The following DACH2 variants were observed in gnomAD, a reference collection of about 807,000 sequenced individuals.
The protein encoded by DACH2 is dachshund family transcription factor 2, also known as dachshund homolog 2.
Under a neutral mutation model 35.8 loss-of-function variants are expected in DACH2, and 17 were observed. The ratio of observed to expected loss-of-function variants is 0.48; its 90% CI spans 0.33 to 0.71. DACH2 has a LOEUF of 0.71. DACH2 is among the 30% of genes least tolerant of loss of function. The pLI, the probability that DACH2 is intolerant of heterozygous loss-of-function variation, is 0.02. For missense variants in DACH2, 469 were observed against 472.7 expected (o/e 0.99, Z 0.07); for synonymous variants, 195 against 177.3 (o/e 1.10, Z -0.79).
At chrX:86,612,295 G>A (rs1489609821) in intron 3 of DACH2, among the ~76,000 whole-genome samples, 1 of 107,342 alleles carries the variant, frequency 9.3e-6, no homozygotes, top group African/African-American at 3.4e-5. Flanking sequence ...GGTACTCTTG[G>A]AGCTGAAGCT....
At chrX:86,465,843 GA>G (rs1414675466) in intron 2 of DACH2, among the ~76,000 whole-genome samples, 1 of 111,827 alleles carries the variant, frequency 8.9e-6, no homozygotes, top group Non-Finnish European at 1.9e-5. Flanking sequence ...TGAAAACTTT[GA>G]AAGACTCACT....
At chrX:86,434,158 GAC>G (rs1187312491) in intron 2 of DACH2, among the ~76,000 whole-genome samples, 9 of 111,839 alleles carry the variant, frequency 8.0e-5, no homozygotes, top group Non-Finnish European at 1.1e-4. Flanking sequence ...ATATATGAAA[GAC>G]ACAGCGATTT....
At chrX:86,399,945 A>G (rs1039507678) in intron 2 of DACH2, among the ~76,000 whole-genome samples, 1 of 111,416 alleles carries the variant, frequency 9.0e-6, no homozygotes, top group Non-Finnish European at 1.9e-5. Flanking sequence ...TAGATTGGGG[A>G]AGTTCTCCTG....
intron 2 of DACH2, among the ~76,000 whole-genome samples, chrX:86,454,846 G>A (rs1330161584): frequency 1.8e-5 from 2 of 112,068 alleles, no homozygotes; most frequent in Non-Finnish European, 3.8e-5. Flanking sequence ...TGAAGGAGAA[G>A]AGGCACTCTG....
chrX:86,686,467 G>T, intron 4 of DACH2, among the ~76,000 whole-genome samples: 1 of 110,019 alleles, frequency 9.1e-6, no homozygotes, highest in Non-Finnish European at 1.9e-5. Context: ...TCCTGACCTC[G>T]TGACCCACCC....
intron 3 of DACH2, among the ~76,000 whole-genome samples, chrX:86,593,346 C>T (rs2039670971): frequency 1.8e-5 from 2 of 109,136 alleles, no homozygotes; most frequent in Non-Finnish European, 3.8e-5. Context: ...CAACCTTGCA[C>T]ACTTGAAGTA....
At chrX:86,397,877 T>C (rs2036331824) in intron 2 of DACH2, among the ~76,000 whole-genome samples, 1 of 111,965 alleles carries the variant, frequency 8.9e-6, no homozygotes, top group African/African-American at 3.3e-5. Flanking sequence ...TCTGCCAGGC[T>C]TTGGTATCAG....
At chrX:86,546,137 A>G (rs1477249694) in intron 3 of DACH2, among the ~76,000 whole-genome samples, 1 of 111,522 alleles carries the variant, frequency 9.0e-6, no homozygotes, top group East Asian at 2.8e-4. Context: ...TTTTCCTTGA[A>G]TGGTCAATTA....
At position 86,583,640 on chromosome X, in the gene DACH2, TG is replaced by T. The variant is rs769507400; in HGVS notation, c.641-67395del. 4.9e-3 allele frequency among the ~76,000 whole-genome samples: 536 copies of T among 109,985 alleles called. 6 individuals are homozygous for T. The highest frequency in any genetic ancestry group is 0.016 in the African/African-American group (475 of 30,433). On this transcript the variant is annotated intron_variant, in intron 3 of 11. Transcript: ENST00000373125. ...TACTTTATTATTGGATTTTGTCAAA[TG>T]TTTTTTTTCATCAATTGATAAGACC...
At chrX:86,318,747 CA>C (rs1175472337) in intron 1 of DACH2, among the ~76,000 whole-genome samples, 1 of 111,457 alleles carries the variant, frequency 9.0e-6, no homozygotes, top group Non-Finnish European at 1.9e-5. Flanking sequence ...CTGTAGCACC[CA>C]AAAGCTAGGG....
At chrX:86,693,288 T>C (rs946295919) in intron 4 of DACH2, among the ~76,000 whole-genome samples, 3 of 112,341 alleles carry the variant, frequency 2.7e-5, no homozygotes, top group South Asian at 3.7e-4. Context: ...AACAAGTAAC[T>C]GCTAATTTCT....
intron 7 of DACH2, among the ~76,000 whole-genome samples, chrX:86,775,296 G>T (rs1294546887): frequency 9.0e-6 from 1 of 111,209 alleles, no homozygotes; most frequent in East Asian, 2.9e-4. Context: ...CCTTGGACCA[G>T]TACAGGTCTG....
At chrX:86,653,519 G>T (rs1364013710) in intron 4 of DACH2, among the ~76,000 whole-genome samples, 1 of 110,795 alleles carries the variant, frequency 9.0e-6, no homozygotes, top group Admixed American at 9.6e-5. Context: ...GTTTCTCCTG[G>T]CTATTTTAAC....
chrX:86,445,447 A>G (rs1324580777), intron 2 of DACH2, among the ~76,000 whole-genome samples: 1 of 94,182 alleles, frequency 1.1e-5, no homozygotes, highest in Non-Finnish European at 2.1e-5. Flanking sequence ...AGCATGGCAC[A>G]TGTATACATA....
intron 2 of DACH2, among the ~76,000 whole-genome samples, chrX:86,445,575 A>AG (rs1264021434): frequency 2.0e-5 from 2 of 102,298 alleles, no homozygotes; most frequent in African/African-American, 7.2e-5. Flanking sequence ...ACAAAAAAAA[A>AG]AAAAAAGAAA....
chrX:86,397,064 C>T (rs7877895), intron 2 of DACH2, among the ~76,000 whole-genome samples: 1 of 109,241 alleles, frequency 9.2e-6, no homozygotes, highest in African/African-American at 3.4e-5. Context: ...CTTTTATTTC[C>T]TTGAGCAGTG....
chrX:86,294,818 C>G (rs1333640409), intron 1 of DACH2, among the ~76,000 whole-genome samples: 5 of 108,692 alleles, frequency 4.6e-5, no homozygotes, highest in African/African-American at 1.7e-4. Context: ...CCACTGCTCT[C>G]TTCAAAGCTG....
chrX:86,793,722 A>T (rs1314297742), intron 7 of DACH2, among the ~76,000 whole-genome samples: 1 of 112,424 alleles, frequency 8.9e-6, no homozygotes, highest in Non-Finnish European at 1.9e-5. Flanking sequence ...CTCATTCAAA[A>T]CTTACACAAA....
At chrX:86,637,896 A>G (rs1391481897) in intron 3 of DACH2, among the ~76,000 whole-genome samples, 1 of 111,976 alleles carries the variant, frequency 8.9e-6, no homozygotes, top group African/African-American at 3.2e-5. Context: ...AATTTTAAAA[A>G]ATACCAATGT....
Sources: gnomAD v4.1 joint callset for allele counts (sites outside exome capture counted in the v4.1 genomes callset) on GRCh38, gnomAD v4.1.1 for gene constraint, MANE v1.5 for transcripts, NCBI Gene and HGNC (gene_info 2026-07-23, HGNC 2026-07-21) for gene names.